The following AP1G1 variants were observed in gnomAD, a reference collection of about 807,000 sequenced individuals.
The protein encoded by AP1G1 is AP-1 complex subunit gamma-1.
Under a neutral mutation model 108.3 loss-of-function variants are expected in AP1G1, and 7 were observed. The ratio of observed to expected loss-of-function variants is 0.06; its 90% CI spans 0.04 to 0.12. AP1G1 has a LOEUF of 0.12. AP1G1 is among the 10% of genes least tolerant of loss of function. AP1G1 has a pLI of 1.00. For missense variants in AP1G1, 756 were observed against 1,010.7 expected (o/e 0.75, Z 3.42); for synonymous variants, 379 against 353.5 (o/e 1.07, Z -0.81).
chr16:71,767,935 G>GC (rs1398477135), intron 6 of AP1G1: 1 of 1,576,444 alleles, frequency 6.3e-7, no homozygotes, highest in African/African-American at 1.3e-5. Context: ...AACATACAAA[G>GC]CAAGCATTAG....
intron 2 of AP1G1, among the ~76,000 whole-genome samples, chr16:71,788,479 T>C (rs2032286721): frequency 6.6e-6 from 1 of 152,106 alleles, no homozygotes; most frequent in South Asian, 2.1e-4. Context: ...CATTTGTGCA[T>C]GGGAGAGAAT....
chr16:71,759,015 A>G (rs1597053387), intron 10 of AP1G1, 94 bp from the exon 11 acceptor site: 1 of 688,604 alleles, frequency 1.5e-6, no homozygotes, highest in East Asian at 2.9e-5. Flanking sequence ...CGTCTAATGG[A>G]TAAGAGAAAG....
chr16:71,787,276 G>A (rs938604276), intron 2 of AP1G1, among the ~76,000 whole-genome samples: 2 of 138,576 alleles, frequency 1.4e-5, no homozygotes, highest in South Asian at 2.3e-4. Context: ...CCGAGATCAC[G>A]CCACTGGACT....
intron 6 of AP1G1, among the ~76,000 whole-genome samples, chr16:71,768,978 C>CA (rs59451625): frequency 0.23 from 14,640 of 65,022 alleles, 2,912 homozygotes; most frequent in South Asian, 0.4. Flanking sequence ...AAAAAAAATA[C>CA]AAAAAAAAAA....
chr16:71,749,384 G>A (rs974283103), intron 15 of AP1G1, among the ~76,000 whole-genome samples: 3 of 151,890 alleles, frequency 2.0e-5, no homozygotes, highest in Non-Finnish European at 2.9e-5. Context: ...TCAGGAGGCT[G>A]AGGTGGGAAG....
chr16:71,734,599 T>C lies in AP1G1; in HGVS notation c.2367+10A>G, dbSNP rs1197647707. On this transcript the variant is annotated intron_variant, in intron 22 of 22. Coordinates refer to ENST00000299980, the MANE Select transcript of AP1G1 (RefSeq NM_001128.6). ...TCGGCTCAGATATTGGCTACAAATG[T>C]GCTACTCACCTTCTGAGGGTTCAGA... 6.3e-7 allele frequency: 1 copy of C among 1,595,046 alleles called. No individual in the cohort carries two copies. The highest frequency in any genetic ancestry group is 8.6e-7 in the Non-Finnish European group (1 of 1,162,600).
intron 1 of AP1G1, among the ~76,000 whole-genome samples, chr16:71,791,763 C>CCT (rs762298702): frequency 8.8e-6 from 1 of 113,388 alleles, no homozygotes; most frequent in East Asian, 2.5e-4. Context: ...TAAACTCTGA[C>CCT]TTTTTTTTTT....
Position 71,765,493 on chromosome 16 carries a change from A to C in AP1G1, c.734T>G (p.Leu245Trp). 6.2e-7 allele frequency: 1 copy of C among 1,609,590 alleles called. No individual in the cohort carries two copies. The highest frequency in any genetic ancestry group is 8.5e-7 in the Non-Finnish European group (1 of 1,176,534). ...AAAACGTTCTTTCAACCTCACCTGC[A>C]AAAAGGGGTCACTGATACCAGAAAC... is the stretch of plus-strand genomic sequence containing the variant. ...HDVSGISDPF[L>W]QVRILRLLRI... Residue 245 changes from leucine to tryptophan, a missense_variant, in exon 7 of 23, where the codon TTG becomes TGG. Physicochemically the swap from Leu to Trp is moderately conservative, Grantham distance 61. This residue lies in a region of AP1G1 where 304 missense variants were observed against 483.6 expected (regional missense o/e 0.63). Coordinates refer to ENST00000299980, the MANE Select transcript of AP1G1 (RefSeq NM_001128.6).
intron 1 of AP1G1, among the ~76,000 whole-genome samples, chr16:71,801,596 C>G (rs887842299): frequency 2.6e-5 from 4 of 152,030 alleles, no homozygotes; most frequent in African/African-American, 9.7e-5. Context: ...TCTCCAAAAC[C>G]TGACATTTTT....
At chr16:71,778,691 AAAAAGAAAG>A (rs1443303379) in intron 2 of AP1G1, among the ~76,000 whole-genome samples, 139 of 151,860 alleles carry the variant, frequency 9.2e-4, no homozygotes, top group African/African-American at 3.2e-3. Context: ...TTAAAAAAAA[AAAAAGAAAG>A]AAAGAAAAAA....
At chr16:71,734,546 A>G (rs2045510115) in intron 22 of AP1G1, 63 bp downstream of exon 22, 1 of 1,365,796 alleles carries the variant, frequency 7.3e-7, no homozygotes, top group African/African-American at 1.4e-5. Context: ...ACAAAGCAGA[A>G]TTTTATTTCG....
chr16:71,775,612 A>G (rs1025024577), intron 2 of AP1G1, among the ~76,000 whole-genome samples: 2 of 152,182 alleles, frequency 1.3e-5, no homozygotes, highest in East Asian at 1.9e-4. Context: ...AAAAAACTCA[A>G]TAACTAGAAA....
chr16:71,750,974 A>G lies in AP1G1; in HGVS notation c.1285-642T>C, dbSNP rs952828089. Among the ~76,000 whole-genome samples the G allele has an allele frequency of 1.9e-4, 28 of 151,176 alleles. No individual in the cohort carries two copies. The South Asian group carries it at 4.0e-3, about 21-fold the overall frequency. On this transcript the variant is annotated intron_variant, in intron 13 of 22. Coordinates refer to ENST00000299980, the MANE Select transcript of AP1G1 (RefSeq NM_001128.6). ...GATCGAGACCATCCTGGCTAACACG[A>G]TGAAACCCCGTCTCTACTAAAAATA...
At chr16:71,779,270 T>C (rs1160945258) in intron 2 of AP1G1, among the ~76,000 whole-genome samples, 5 of 123,136 alleles carry the variant, frequency 4.1e-5, no homozygotes, top group East Asian at 5.6e-4. Context: ...CCCCCGCCAA[T>C]ATTCTGATGG....
In AP1G1 at chr16:71,729,516, A is replaced by C. The variant is rs1347990184; in HGVS notation, c.*3542T>G. On this transcript the variant is annotated 3_prime_UTR_variant, in exon 23 of 23. Coordinates refer to ENST00000299980, the MANE Select transcript of AP1G1 (RefSeq NM_001128.6). Reference sequence around the variant, plus strand: ...TTGGAAGTCTGTAAAGCAACTGTGCAAGCTGCTTCGGCATTTCCTTCTGTT... The same window carrying C: ...TTGGAAGTCTGTAAAGCAACTGTGCCAGCTGCTTCGGCATTTCCTTCTGTT... 6.6e-6 allele frequency: 1 copy of C among 152,288 alleles called. No homozygotes were observed. The highest frequency in any genetic ancestry group is 2.4e-5 in the African/African-American group (1 of 41,340). The allele number at this position is 152,288 out of a possible 1,614,324, so 9.4% of individuals were successfully genotyped here.
At chr16:71,808,280 G>C (rs939988144) in intron 1 of AP1G1, 3 of 906,272 alleles carry the variant, frequency 3.3e-6, no homozygotes, top group South Asian at 2.1e-5. Flanking sequence ...CCGATGTCCG[G>C]TTCCGAGAGG....
At chr16:71,758,583 T>C (rs1351909714) in intron 11 of AP1G1, 1 of 606,052 alleles carries the variant, frequency 1.7e-6, no homozygotes, top group Non-Finnish European at 3.1e-6. Flanking sequence ...TGCACTTAAG[T>C]ATTCTTATTG....
intron 9 of AP1G1, 90 bp downstream of exon 9, chr16:71,764,260 A>C (rs1454079845): frequency 3.4e-5 from 24 of 698,838 alleles, no homozygotes; most frequent in Non-Finnish European, 5.5e-5. Flanking sequence ...TCGAGTTCCA[A>C]ATGGAATACA....
At chr16:71,733,367 C>T (rs979036987) in intron 22 of AP1G1, among the ~76,000 whole-genome samples, 1 of 152,114 alleles carries the variant, frequency 6.6e-6, no homozygotes, top group Non-Finnish European at 1.5e-5. Context: ...GTTGAGAAAG[C>T]GCATCTGCAG....
Sources: gnomAD v4.1 joint callset for allele counts (sites outside exome capture counted in the v4.1 genomes callset) on GRCh38, gnomAD v4.1.1 for gene constraint, gnomAD v4.1.1 regional missense constraint, MANE v1.5 for transcripts, NCBI Gene and HGNC (gene_info 2026-07-23, HGNC 2026-07-21) for gene names.